The following TRPM3 variants were observed in gnomAD, a reference collection of about 807,000 sequenced individuals.
The protein encoded by TRPM3 is long transient receptor potential channel 3.
TRPM3 carries 77 observed loss-of-function variants against 181.2 expected under a neutral mutation model. The observed-to-expected ratio is 0.42, with a 90% CI of 0.35 to 0.51. TRPM3 has a LOEUF of 0.51. Ranked by LOEUF, TRPM3 falls within the 20% of genes least tolerant of loss-of-function variation. The pLI, the probability that TRPM3 is intolerant of heterozygous loss-of-function variation, is 0.01. For synonymous variants in TRPM3, 745 were observed against 796.4 expected (o/e 0.94, Z 1.09); for missense variants, 1,759 against 2,196.7 (o/e 0.80, Z 3.98).
At chr9:71,439,627 T>C (rs2094104978) in intron 1 of TRPM3, among the ~76,000 whole-genome samples, 1 of 152,168 alleles carries the variant, frequency 6.6e-6, no homozygotes, top group African/African-American at 2.4e-5. Context: ...GGTCAGAGAC[T>C]GGGATCCAGA....
In TRPM3 at chr9:71,269,680, G is replaced by C. The variant is rs1193172001; in HGVS notation, c.183+176973C>G. Among the ~76,000 whole-genome samples, 3 of 152,330 alleles carry C rather than the reference G, an allele frequency of 2.0e-5. No individual in the cohort carries two copies. The East Asian group carries it at 5.8e-4, about 29-fold the overall frequency. The stretch of plus-strand genomic sequence containing the variant: ...TCGGAGTGAGTGATGCCCTACATCT[G>C]ACAAATAATAGGGAAAACACCTCAG... On this transcript the variant is annotated intron_variant, in intron 1 of 24. Coordinates refer to the TRPM3 transcript ENST00000357533.
chr9:70,872,260 G>C (rs543451830), intron 1 of TRPM3, among the ~76,000 whole-genome samples: 1 of 152,014 alleles, frequency 6.6e-6, no homozygotes, highest in African/African-American at 2.4e-5. Context: ...TAGTAGGCTG[G>C]AACTGGCCCT....
At chr9:70,967,477 A>C (rs2097197524) in intron 1 of TRPM3, among the ~76,000 whole-genome samples, 1 of 152,118 alleles carries the variant, frequency 6.6e-6, no homozygotes, top group Admixed American at 6.6e-5. Flanking sequence ...TTCTGATCCA[A>C]AGAAATTCTG....
chr9:71,019,204 A>T (rs2134473758), intron 1 of TRPM3, among the ~76,000 whole-genome samples: 1 of 152,086 alleles, frequency 6.6e-6, no homozygotes, highest in Non-Finnish European at 1.5e-5. Flanking sequence ...ACCTGGAAAA[A>T]GATAGAGATG....
chr9:71,121,454 T>C lies in TRPM3; in HGVS notation c.-100A>G. On this transcript the variant is annotated 5_prime_UTR_variant, in exon 1 of 26. Coordinates refer to ENST00000677713, the MANE Select transcript of TRPM3 (RefSeq NM_001366145.2). ...CCTTGCCTGAGCCCCTGAACCTTCT[T>C]AAAACAGCCACCTCCCCTCTCTCTG... 6.8e-7 allele frequency: 1 copy of C among 1,471,360 alleles called. No homozygotes were observed. Among genetic ancestry groups the C allele is most frequent in the Non-Finnish European group, 9.0e-7 (1 of 1,115,488 alleles). 91.1% of individuals were successfully genotyped at this position (1,471,360 alleles called of 1,614,324 possible).
intron 1 of TRPM3, among the ~76,000 whole-genome samples, chr9:71,218,707 T>G (rs2080052468): frequency 6.6e-6 from 1 of 152,252 alleles, no homozygotes; most frequent in African/African-American, 2.4e-5. Context: ...TAAATCACTT[T>G]CACATGGTGA....
chr9:71,342,016 A>C (rs1383626877), intron 1 of TRPM3, among the ~76,000 whole-genome samples: 1 of 151,874 alleles, frequency 6.6e-6, no homozygotes, highest in Non-Finnish European at 1.5e-5. Flanking sequence ...AAAATGGTTT[A>C]AGAATGGTCC....
At chr9:70,797,121 T>C (rs1024288410) in intron 6 of TRPM3, among the ~76,000 whole-genome samples, 3 of 152,066 alleles carry the variant, frequency 2.0e-5, no homozygotes, top group Admixed American at 2.0e-4. Context: ...TAGAGTGAGA[T>C]CTTGTCTCTT....
At position 71,121,542 on chromosome 9, in the gene TRPM3, G is replaced by A. The variant is rs151157287; in HGVS notation, c.-188C>T. ...GGCACACTGCCTGCTGCTTCGGGGA[G>A]GGGATGCACGATTTTGAAGAAGAGG... is the stretch of plus-strand genomic sequence containing the variant. On this transcript the variant is annotated 5_prime_UTR_variant, in exon 1 of 26. Transcript: ENST00000677713. The A allele has an allele frequency of 0.014, 19,512 of 1,387,328 alleles. 179 individuals carry two copies. The highest frequency in any genetic ancestry group is 0.036 in the Middle Eastern group (133 of 3,726). 85.9% of individuals were successfully genotyped at this position (1,387,328 alleles called of 1,614,324 possible).
intron 1 of TRPM3, among the ~76,000 whole-genome samples, chr9:71,181,130 T>C (rs1199848796): frequency 6.6e-6 from 1 of 152,080 alleles, no homozygotes; most frequent in Non-Finnish European, 1.5e-5. Flanking sequence ...ATTCCTACTT[T>C]ATAAAGCAAG....
chr9:71,189,782 C>T (rs1397763921), intron 1 of TRPM3, among the ~76,000 whole-genome samples: 1 of 151,874 alleles, frequency 6.6e-6, no homozygotes, highest in East Asian at 1.9e-4. Flanking sequence ...CTCAAGTCAG[C>T]TCTTGCTGTA....
At chr9:70,668,468 T>C (rs1223057051) in intron 9 of TRPM3, among the ~76,000 whole-genome samples, 1 of 151,882 alleles carries the variant, frequency 6.6e-6, no homozygotes, top group African/African-American at 2.4e-5. Flanking sequence ...ATCGAGACCA[T>C]CCTGGCTAAC....
intron 1 of TRPM3, among the ~76,000 whole-genome samples, chr9:70,936,423 G>A (rs2096829052): frequency 6.6e-6 from 1 of 152,160 alleles, no homozygotes; most frequent in Admixed American, 6.5e-5. Context: ...ATACTCTAAA[G>A]CTTTTGATAG....
intron 1 of TRPM3, among the ~76,000 whole-genome samples, chr9:71,357,732 TAAA>T (rs61173147): frequency 0.3 from 44,880 of 148,926 alleles, 6,971 homozygotes; most frequent in Middle Eastern, 0.42. Flanking sequence ...ATGCTTTCCA[TAAA>T]AAAAAAAAAA....
chr9:71,415,157 C>T (rs1410397846), intron 1 of TRPM3, among the ~76,000 whole-genome samples: 1 of 152,002 alleles, frequency 6.6e-6, no homozygotes, highest in Non-Finnish European at 1.5e-5. Flanking sequence ...AGTGATGCGG[C>T]TACAAGCCAA....
chr9:70,633,078 C>T (rs746538070), intron 12 of TRPM3, among the ~76,000 whole-genome samples: 8 of 152,058 alleles, frequency 5.3e-5, no homozygotes, highest in African/African-American at 7.2e-5. Context: ...ATTGGATGAG[C>T]GACTCTTTTT....
intron 1 of TRPM3, among the ~76,000 whole-genome samples, chr9:71,134,550 C>CA (rs71352343): frequency 0.015 from 1,818 of 120,782 alleles, 71 homozygotes; most frequent in African/African-American, 0.045. Context: ...TGCTCCATCT[C>CA]AAAAAAAAAA....
intron 1 of TRPM3, among the ~76,000 whole-genome samples, chr9:71,193,054 G>A (rs899650475): frequency 6.6e-6 from 1 of 151,862 alleles, no homozygotes; most frequent in African/African-American, 2.4e-5. Flanking sequence ...TTAAGGAGAT[G>A]ACATGAATGG....
chr9:71,124,271 G>A (rs2073898073), upstream of TRPM3, among the ~76,000 whole-genome samples: 1 of 149,510 alleles, frequency 6.7e-6, no homozygotes, highest in African/African-American at 2.5e-5. Flanking sequence ...TCACATAGAA[G>A]ATGCCTTCCC....
Sources: allele counts gnomAD v4.1 joint callset (sites outside exome capture counted in the v4.1 genomes callset), GRCh38; gene constraint gnomAD v4.1.1; transcripts MANE v1.5; gene names NCBI Gene and HGNC (gene_info 2026-07-23, HGNC 2026-07-21).